Variants in LHFPL5 observed in about 807,000 individuals in gnomAD.
LHFPL5 encodes LHFPL tetraspan subfamily member 5.
In LHFPL5, 12 loss-of-function variants were observed where a neutral mutation model predicts 18.7. That is an observed-to-expected ratio of 0.64 (90% CI 0.41 to 1.04). The LOEUF is 1.04. Among genes scored for constraint, LHFPL5 ranks in the 50% least tolerant of loss-of-function variants. The probability of loss-of-function intolerance (pLI) is 0.00; values close to 1 mark genes in which losing one functional copy is unlikely to be tolerated. For synonymous variants in LHFPL5, 111 were observed against 120.2 expected (o/e 0.92, Z 0.50); for missense variants, 259 against 292.1 (o/e 0.89, Z 0.83).
intron 1 of LHFPL5, among the ~76,000 whole-genome samples, chr6:35,810,321 A>G (rs1045572994): frequency 6.6e-6 from 1 of 152,196 alleles, no homozygotes; most frequent in Non-Finnish European, 1.5e-5. Context: ...CCATCTGTAG[A>G]ACATAGCAGC....
rs949799673 is a variant in LHFPL5 at position 35,808,248 on chromosome 6, C to T, written c.412+2166C>T. 5.3e-5 allele frequency among the ~76,000 whole-genome samples: 8 copies of T among 150,678 alleles called. No homozygotes were observed. The Admixed American group carries it at 5.3e-4, about 10-fold the overall frequency. The stretch of plus-strand genomic sequence containing the variant: ...AGGGGATTGCTTGAGGCCAGAAGTT[C>T]AAGACTTCAAGACCAGCCTGGACAA... On this transcript the variant is annotated intron_variant, in intron 1 of 3. Coordinates refer to ENST00000360215, the MANE Select transcript of LHFPL5 (RefSeq NM_182548.4).
chr6:35,816,177 C>CAAAA (rs60374883), intron 2 of LHFPL5, among the ~76,000 whole-genome samples: 1 of 60,572 alleles, frequency 1.7e-5, no homozygotes, highest in African/African-American at 6.2e-5. Flanking sequence ...GACTCCGTCT[C>CAAAA]AAAAAAAAAA....
In LHFPL5 at chr6:35,805,867, C is replaced by T. The variant is rs1768559963; in HGVS notation, c.197C>T (p.Ser66Phe). ...CAGGCAGGCTACTTCGGCCTTTTCT[C>T]CTACTGCGTGGGTAACGTGCTGTCC... is the stretch of plus-strand genomic sequence containing the variant. ...TPQAGYFGLF[S>F]YCVGNVLSSE... The change falls in exon 1 of 4, where the codon TCC becomes TTC. Residue 66 changes from serine (S) to phenylalanine (F), a missense_variant. Ser to Phe is a radical substitution (Grantham distance 155). Coordinates refer to ENST00000360215, the MANE Select transcript of LHFPL5 (RefSeq NM_182548.4). This position sits in a 1 kb window ranked among gnomAD's most constrained non-coding sequence, Gnocchi z 4.3. The T allele has an allele frequency of 6.2e-7, 1 of 1,614,252 alleles. No individual in the cohort carries two copies. Among genetic ancestry groups the T allele is most frequent in the Non-Finnish European group, 8.5e-7 (1 of 1,180,048 alleles).
chr6:35,807,578 C>G (rs1488318724), intron 1 of LHFPL5, among the ~76,000 whole-genome samples: 1 of 152,158 alleles, frequency 6.6e-6, no homozygotes, highest in Non-Finnish European at 1.5e-5. Flanking sequence ...ATGAGAAGTG[C>G]TGTCATCTTT....
chr6:35,813,331 G>A (rs1200027503), intron 1 of LHFPL5, among the ~76,000 whole-genome samples: 3 of 131,356 alleles, frequency 2.3e-5, no homozygotes, highest in Non-Finnish European at 4.7e-5. Flanking sequence ...CTGTAGCTCC[G>A]CCTCCCAGGT....
At position 35,814,849 on chromosome 6, in the gene LHFPL5, T is replaced by G. The variant is rs1768732345; in HGVS notation, c.649+67T>G. ...CCTGGGATGTGGGTGGGGGTTCATC[T>G]TAGCCAGTCCTCTAAGGCTTGGTCC... On this transcript the variant is annotated intron_variant, in intron 2 of 3. Coordinates refer to ENST00000360215, the MANE Select transcript of LHFPL5 (RefSeq NM_182548.4). The surrounding 1 kb of genome is among the most constrained non-coding windows in gnomAD (Gnocchi z 4.2). 7.1e-7 allele frequency: 1 copy of G among 1,408,236 alleles called. No individual in the cohort carries two copies. Among genetic ancestry groups the G allele is most frequent in the Admixed American group, 1.7e-5 (1 of 59,722 alleles). 87.2% of individuals were successfully genotyped at this position (1,408,236 alleles called of 1,614,324 possible). A position where few individuals can be genotyped will look rare whatever the true frequency, so the allele number is the denominator to read the frequency against.
At chr6:35,819,603 A>T in intron 3 of LHFPL5, 140 bp downstream of exon 3, 1 of 795,138 alleles carries the variant, frequency 1.3e-6, no homozygotes, top group Non-Finnish European at 2.2e-6. Context: ...GAGGACCAAC[A>T]CCCCACTGGG....
At position 35,805,875 on chromosome 6, in the gene LHFPL5, G is replaced by A. The variant is rs750723647; in HGVS notation, c.205G>A (p.Val69Met). Residue 69 changes from valine to methionine, a missense_variant, in exon 1 of 4, where the codon GTG becomes ATG. Val to Met is a conservative substitution (Grantham distance 21). Coordinates refer to ENST00000360215, the MANE Select transcript of LHFPL5 (RefSeq NM_182548.4). The surrounding 1 kb of genome is among the most constrained non-coding windows in gnomAD (Gnocchi z 4.3). ...AGYFGLFSYC[V>M]GNVLSSELIC... ...CTACTTCGGCCTTTTCTCCTACTGC[G>A]TGGGTAACGTGCTGTCCTCCGAGCT... The A allele has an allele frequency of 1.5e-5, 24 of 1,614,216 alleles. No individual in the cohort carries two copies. Among genetic ancestry groups the A allele is most frequent in the Non-Finnish European group, 1.9e-5 (22 of 1,180,028 alleles).
rs138236305 is a variant in LHFPL5 at position 35,822,212 on chromosome 6, C to G, written c.*17-770C>G. Among the ~76,000 whole-genome samples, 17 of 151,892 alleles carry G rather than the reference C, an allele frequency of 1.1e-4. No homozygotes were observed. The East Asian group carries it at 3.3e-3, about 30-fold the overall frequency. On this transcript the variant is annotated intron_variant, in intron 3 of 3. Coordinates refer to ENST00000360215, the MANE Select transcript of LHFPL5 (RefSeq NM_182548.4). ...CTGGTGTACCATTTTTTAAACCAGA[C>G]CTTGGTTATTAGACATTTAGGGTTG...
intron 1 of LHFPL5, among the ~76,000 whole-genome samples, chr6:35,810,290 G>A (rs1768641850): frequency 6.6e-6 from 1 of 152,132 alleles, no homozygotes; most frequent in South Asian, 2.1e-4. Flanking sequence ...AATCTGGGAG[G>A]AACAAACATT....
At chr6:35,816,638 C>T (rs1768766527) in intron 2 of LHFPL5, among the ~76,000 whole-genome samples, 1 of 151,766 alleles carries the variant, frequency 6.6e-6, no homozygotes. Flanking sequence ...ATGGCACAAC[C>T]CCATCTCTAC....
Position 35,814,620 on chromosome 6 carries a change from G to T in LHFPL5, c.487G>T (p.Glu163Ter). 1 of 1,614,180 alleles carries T rather than the reference G, an allele frequency of 6.2e-7. No homozygotes were observed. Among genetic ancestry groups the T allele is most frequent in the Non-Finnish European group, 8.5e-7 (1 of 1,180,040 alleles). The change falls in exon 2 of 4, where the codon GAG (glutamate) becomes TAG (stop). Residue 163 changes from glutamate (E) to a stop codon, truncating the protein, a stop_gained. Transcript: ENST00000360215. LOFTEE classifies it high-confidence loss of function. This position sits in a 1 kb window ranked among gnomAD's most constrained non-coding sequence, Gnocchi z 4.2. ...DSSEVRRMCG[E>*]QTGKYTLGHC... The stretch of plus-strand genomic sequence containing the variant: ...AAGTGAGGTGCGGCGCATGTGTGGG[G>T]AGCAGACGGGCAAGTACACGCTGGG...
At chr6:35,818,339 ATATATATATGTATT>A (rs1477645893) in intron 2 of LHFPL5, among the ~76,000 whole-genome samples, 4,589 of 27,450 alleles carry the variant, frequency 0.17, 280 homozygotes, top group Non-Finnish European at 0.22. Context: ...ATATATATAT[ATATATATATGTATT>A]TTTTTTTTTT....
chr6:35,821,728 G>A (rs1388179957), intron 3 of LHFPL5, among the ~76,000 whole-genome samples: 5 of 151,938 alleles, frequency 3.3e-5, no homozygotes, highest in African/African-American at 9.7e-5. Context: ...TGATCCTCCC[G>A]CCTCAGCCTC....
intron 1 of LHFPL5, among the ~76,000 whole-genome samples, chr6:35,807,988 G>A (rs971733369): frequency 1.4e-4 from 21 of 151,918 alleles, no homozygotes; most frequent in African/African-American, 5.1e-4. Flanking sequence ...CAAGTAGGAA[G>A]GCATGCACCT....
At chr6:35,822,238 C>T (rs1197582579) in intron 3 of LHFPL5, among the ~76,000 whole-genome samples, 1 of 152,016 alleles carries the variant, frequency 6.6e-6, no homozygotes, top group Non-Finnish European at 1.5e-5. Context: ...TTTAGGGTTG[C>T]TATCATAGAT....
In LHFPL5 at chr6:35,823,477, A is replaced by ACACACTCTCTCTCT. The variant is rs1554147856; in HGVS notation, c.*513_*514insACACTCTCTCTCTC. On this transcript the variant is annotated 3_prime_UTR_variant, in exon 4 of 4. Coordinates refer to ENST00000360215, the MANE Select transcript of LHFPL5 (RefSeq NM_182548.4). ...CACACACACACACACACACACACAC[A>ACACACTCTCTCTCT]CTCTCTCTCTCTCTCAAACACACAC... 2 of 140,750 alleles carry ACACACTCTCTCTCT rather than the reference A, an allele frequency of 1.4e-5. No individual in the cohort carries two copies. The highest frequency in any genetic ancestry group is 1.5e-5 in the Non-Finnish European group (1 of 64,918). 8.7% of individuals were successfully genotyped at this position (140,750 alleles called of 1,614,324 possible).
At chr6:35,813,796 T>TC (rs887580668) in intron 1 of LHFPL5, among the ~76,000 whole-genome samples, 25 of 146,898 alleles carry the variant, frequency 1.7e-4, no homozygotes, top group African/African-American at 6.3e-4. Context: ...CTTTTCCTTT[T>TC]TTTTTTTTTT....
chr6:35,823,430 TACACACACACATATATATACACAC>T lies in LHFPL5; in HGVS notation c.*477_*500del. The T allele has an allele frequency of 1.2e-5, 1 of 83,518 alleles. No individual in the cohort carries two copies. Among genetic ancestry groups the T allele is most frequent in the South Asian group, 4.3e-4 (1 of 2,326 alleles). 5.2% of individuals were successfully genotyped at this position (83,518 alleles called of 1,614,324 possible). ...ACACACACACACACACACACATACATACACACACACATATATATACACACACACACACACACACACACACACACT... is the reference window on the plus strand; with the variant it reads ...ACACACACACACACACACACATACATACACACACACACACACACACACACT... On this transcript the variant is annotated 3_prime_UTR_variant, in exon 4 of 4. Coordinates refer to ENST00000360215, the MANE Select transcript of LHFPL5 (RefSeq NM_182548.4).
Sources: allele counts gnomAD v4.1 joint callset (sites outside exome capture counted in the v4.1 genomes callset), GRCh38; gene constraint gnomAD v4.1.1; non-coding constraint Gnocchi (gnomAD v3.1); transcripts MANE v1.5; gene names NCBI Gene and HGNC (gene_info 2026-07-23, HGNC 2026-07-21).